The following ABCC6 variants were observed in gnomAD, a reference collection of about 807,000 sequenced individuals.
ABCC6 encodes the protein ATP-binding cassette sub-family C member 6.
Under a neutral mutation model 169.5 loss-of-function variants are expected in ABCC6, and 126 were observed. The ratio of observed to expected loss-of-function variants is 0.74; its 90% CI spans 0.64 to 0.86. The LOEUF (loss-of-function observed/expected upper bound fraction) is 0.86. Among genes scored for constraint, ABCC6 ranks in the 40% least tolerant of loss-of-function variants. The pLI is 0.00. For missense variants in ABCC6, 1,733 were observed against 1,927.2 expected, an observed-to-expected ratio of 0.90 and a Z score of 1.89; for synonymous variants, 752 against 814.7, an observed-to-expected ratio of 0.92 and a Z score of 1.31.
At chr16:16,164,455 T>A (rs2046818138) in intron 23 of ABCC6, among the ~76,000 whole-genome samples, 1 of 152,168 alleles carries the variant, frequency 6.6e-6, no homozygotes, top group Non-Finnish European at 1.5e-5. Context: ...TGCAGCCTAG[T>A]GTATCAGAAT....
intron 9 of ABCC6, among the ~76,000 whole-genome samples, chr16:16,200,811 G>C (rs995056506): frequency 6.6e-6 from 1 of 151,202 alleles, no homozygotes; most frequent in Non-Finnish European, 1.5e-5. Flanking sequence ...GGAGCCAATA[G>C]CTCTTGGGGC....
intron 15 of ABCC6, 147 bp from the exon 16 acceptor site, chr16:16,183,077 T>C: frequency 7.8e-7 from 1 of 1,279,174 alleles, no homozygotes. Flanking sequence ...AGTCCTTGTC[T>C]AGCTATTTGA....
At chr16:16,182,759 T>C in intron 16 of ABCC6, 45 bp downstream of exon 16, 1 of 1,612,172 alleles carries the variant, frequency 6.2e-7, no homozygotes, top group Non-Finnish European at 8.5e-7. Flanking sequence ...AAGTGGGACT[T>C]TCAGGATGGG....
intron 22 of ABCC6, 74 bp from the exon 23 acceptor site, chr16:16,166,007 C>T (rs2046863505): frequency 1.1e-5 from 16 of 1,458,504 alleles, no homozygotes; most frequent in Non-Finnish European, 1.4e-5. Context: ...CTGCGCAGGT[C>T]TCTCCCGCTA....
At chr16:16,160,723 T>C (rs1248514292) in intron 25 of ABCC6, among the ~76,000 whole-genome samples, 1 of 150,582 alleles carries the variant, frequency 6.6e-6, no homozygotes, top group Non-Finnish European at 1.5e-5. Flanking sequence ...GGAGAATCCC[T>C]TGAGCCTGGA....
intron 13 of ABCC6, among the ~76,000 whole-genome samples, chr16:16,187,924 TAAATA>T (rs1420421226): frequency 6.8e-6 from 1 of 147,476 alleles, no homozygotes; most frequent in Non-Finnish European, 1.5e-5. Context: ...AATAAATAAA[TAAATA>T]AATAAATAAA....
chr16:16,189,162 G>C (rs180775089), intron 12 of ABCC6, among the ~76,000 whole-genome samples, 188 bp from the exon 13 acceptor site: 2 of 152,284 alleles, frequency 1.3e-5, no homozygotes, highest in African/African-American at 4.8e-5. Flanking sequence ...GCTACATAAG[G>C]CTCTCTCTAA....
chr16:16,154,513 A>C, intron 29 of ABCC6, 115 bp downstream of exon 29: 1 of 1,312,730 alleles, frequency 7.6e-7, no homozygotes, highest in East Asian at 2.5e-5. Flanking sequence ...GTGGTTATTA[A>C]TGTAACAGAG....
chr16:16,169,927 G>A lies in ABCC6; in HGVS notation c.2788-74C>T, dbSNP rs183629439. The A allele has an allele frequency of 8.4e-4, 1,228 of 1,454,950 alleles. 1 individual carries two copies. Among genetic ancestry groups the A allele is most frequent in the Non-Finnish European group, 1.1e-3 (1,172 of 1,064,080 alleles). 90.1% of individuals were successfully genotyped at this position (1,454,950 alleles called of 1,614,324 possible). A position where few individuals can be genotyped will look rare whatever the true frequency, so the allele number is the denominator to read the frequency against. On this transcript the variant is annotated intron_variant, in intron 21 of 30. Coordinates refer to ENST00000205557, the MANE Select transcript of ABCC6 (RefSeq NM_001171.6). ...GGGGTGGGTTGAGGCAAGGCCAGGC[G>A]AGGCTCCCAGAAAACATGCCCATGG...
chr16:16,154,305 G>T (rs924929105), intron 29 of ABCC6, among the ~76,000 whole-genome samples: 45 of 152,208 alleles, frequency 3.0e-4, no homozygotes, highest in African/African-American at 1.0e-3. Flanking sequence ...GAGTGGTGAG[G>T]TTACCACCCG....
chr16:16,178,322 A>G (rs1483957683), intron 18 of ABCC6, among the ~76,000 whole-genome samples: 1 of 150,518 alleles, frequency 6.6e-6, no homozygotes, highest in Non-Finnish European at 1.5e-5. Context: ...GCGAGACTCC[A>G]TCTCAAAAAA....
At chr16:16,163,276 C>G in intron 23 of ABCC6, 84 bp from the exon 24 acceptor site, 1 of 1,314,134 alleles carries the variant, frequency 7.6e-7, no homozygotes. Flanking sequence ...GCCCCAAGTA[C>G]AGGATTCCAG....
chr16:16,216,333 C>T (rs955819479), intron 4 of ABCC6, among the ~76,000 whole-genome samples: 2 of 151,362 alleles, frequency 1.3e-5, no homozygotes, highest in Non-Finnish European at 2.9e-5. Context: ...TAACCATCCC[C>T]ATTTCCCCCA....
intron 10 of ABCC6, among the ~76,000 whole-genome samples, chr16:16,195,437 C>T (rs973866384): frequency 4.6e-5 from 7 of 150,714 alleles, no homozygotes; most frequent in Non-Finnish European, 1.0e-4. Flanking sequence ...CTCAGCCTCT[C>T]TAGTAGCTGG....
intron 21 of ABCC6, among the ~76,000 whole-genome samples, chr16:16,170,636 A>G (rs1438143867): frequency 6.6e-6 from 1 of 152,066 alleles, no homozygotes; most frequent in East Asian, 1.9e-4. Context: ...CTTAGAAGAA[A>G]TCCCAGCCAG....
rs767525456 is a variant in ABCC6 at position 16,198,122 on chromosome 16, C to G, written c.1237G>C (p.Val413Leu). The G allele has an allele frequency of 1.2e-6, 2 of 1,612,324 alleles. No individual in the cohort carries two copies. Among genetic ancestry groups the G allele is most frequent in the East Asian group, 2.2e-5 (1 of 44,812 alleles). Residue 413 changes from valine to leucine, a missense_variant, in exon 10 of 31, where the codon GTG becomes CTG. By Grantham distance (32) the Val-to-Leu change is conservative. Around this residue, in one of 5 missense-constraint regions of ABCC6, gnomAD observed 1,601 missense variants for 1,635.5 expected, o/e 0.98. Transcript: ENST00000205557. ...ASAVGDVVNL[V>L]SVDVQRLTES... The stretch of plus-strand genomic sequence containing the variant: ...GTCAGCCGCTGCACGTCCACGGACA[C>G]CAGATTGACCACATCACCCACCGCA...
At chr16:16,195,768 G>A (rs1314746888) in intron 10 of ABCC6, among the ~76,000 whole-genome samples, 1 of 152,110 alleles carries the variant, frequency 6.6e-6, no homozygotes, top group African/African-American at 2.4e-5. Flanking sequence ...TAATTGCTAA[G>A]CACCTGCCTA....
At chr16:16,179,711 C>T (rs2047407176) in intron 17 of ABCC6, among the ~76,000 whole-genome samples, 1 of 152,202 alleles carries the variant, frequency 6.6e-6, no homozygotes, top group Non-Finnish European at 1.5e-5. Flanking sequence ...CTGCCTCAGC[C>T]TCCTGAGTAG....
intron 4 of ABCC6, among the ~76,000 whole-genome samples, chr16:16,219,315 G>A (rs112905579): frequency 2.9e-4 from 44 of 152,226 alleles, no homozygotes; most frequent in African/African-American, 8.4e-4. Flanking sequence ...TGCATCGTGT[G>A]CAAGTGGCAC....
Sources: allele counts gnomAD v4.1 joint callset (sites outside exome capture counted in the v4.1 genomes callset), GRCh38; gene constraint gnomAD v4.1.1; regional missense constraint gnomAD v4.1.1; transcripts MANE v1.5; gene names NCBI Gene and HGNC (gene_info 2026-07-23, HGNC 2026-07-21).